The following OLFML1 variants were observed in gnomAD, a reference collection of about 807,000 sequenced individuals.
OLFML1 encodes olfactomedin like 1, also known as olfactomedin-like protein 1.
OLFML1 carries 33 observed loss-of-function variants against 37.3 expected under a neutral mutation model. The ratio of observed to expected loss-of-function variants is 0.88; its 90% confidence interval spans 0.67 to 1.18. OLFML1 has a LOEUF of 1.18. Among genes scored for constraint, OLFML1 ranks in the 50% most tolerant of loss-of-function variants. The probability of loss-of-function intolerance (pLI) is 0.00; values close to 1 mark genes in which losing one functional copy is unlikely to be tolerated. For synonymous variants in OLFML1, 186 were observed against 181.3 expected, an observed-to-expected ratio of 1.03 and a Z score of -0.21; for missense variants, 545 against 483.7, an observed-to-expected ratio of 1.13 and a Z score of -1.19.
chr11:7,486,104 T>G (rs1008526761), intron 1 of OLFML1, 100 bp downstream of exon 1: 1 of 1,202,928 alleles, frequency 8.3e-7, no homozygotes, highest in African/African-American at 1.5e-5. Context: ...TTTTCCCAGA[T>G]AGCAAATGAC....
In OLFML1 at chr11:7,485,898, C is replaced by T. The variant is rs988656039; in HGVS notation, c.23C>T (p.Ala8Val). The T allele has an allele frequency of 1.2e-5, 20 of 1,613,766 alleles. No individual in the cohort carries two copies. Among genetic ancestry groups the T allele is most frequent in the Non-Finnish European group, 1.6e-5 (19 of 1,179,930 alleles). Reference protein sequence around the residue: MMVALRGASALLVLFLAA... With the variant: MMVALRGVSALLVLFLAA... ...AGGATGATGGTGGCCCTTCGAGGAG[C>T]TTCTGCATTGCTGGTTCTGTTCCTT... is the stretch of plus-strand genomic sequence containing the variant. The change falls in exon 1 of 3, where the codon GCT (alanine) becomes GTT (valine). Residue 8 changes from alanine to valine, a missense_variant. Physicochemically the swap from Ala to Val is moderately conservative, Grantham distance 64 (BLOSUM62 0). Transcript: ENST00000329293.
At chr11:7,502,664 G>C (rs1268863028) in intron 2 of OLFML1, among the ~76,000 whole-genome samples, 2 of 151,572 alleles carry the variant, frequency 1.3e-5, no homozygotes, top group African/African-American at 4.9e-5. Flanking sequence ...GGAGTGCAGT[G>C]GCGCGATCTC....
chr11:7,491,902 T>G (rs932626243), intron 2 of OLFML1, among the ~76,000 whole-genome samples: 5 of 152,208 alleles, frequency 3.3e-5, no homozygotes, highest in African/African-American at 1.2e-4. Flanking sequence ...GCCTAGTCCC[T>G]CTTTTCAGGG....
At chr11:7,505,410 T>C (rs904983598) in intron 2 of OLFML1, among the ~76,000 whole-genome samples, 5 of 152,172 alleles carry the variant, frequency 3.3e-5, no homozygotes, top group African/African-American at 1.2e-4. Flanking sequence ...CTACCCATAA[T>C]AGAAACCTCA....
At position 7,496,653 on chromosome 11, in the gene OLFML1, C is replaced by T. The variant is rs117158877; in HGVS notation, c.418+8238C>T. On this transcript the variant is annotated intron_variant, in intron 2 of 2. Transcript: ENST00000329293. The stretch of plus-strand genomic sequence containing the variant: ...TATACACAGGCAAATGGCAGTACCA[C>T]AGCTAGAAATTGAGAGCATTTCCAT... Among the ~76,000 whole-genome samples, 492 of 151,900 alleles carry T rather than the reference C, an allele frequency of 3.2e-3. 1 individual carries two copies. The highest frequency in any genetic ancestry group is 5.7e-3 in the Non-Finnish European group (390 of 67,980).
At chr11:7,496,208 G>A (rs1008356870) in intron 2 of OLFML1, among the ~76,000 whole-genome samples, 2 of 152,178 alleles carry the variant, frequency 1.3e-5, no homozygotes, top group Non-Finnish European at 2.9e-5. Context: ...GCCTCATGAC[G>A]GAGGCAGATG....
intron 2 of OLFML1, among the ~76,000 whole-genome samples, chr11:7,493,305 C>T (rs980314808): frequency 6.6e-6 from 1 of 152,094 alleles, no homozygotes; most frequent in African/African-American, 2.4e-5. Flanking sequence ...TGTGCATGAC[C>T]CATATTCAAA....
intron 2 of OLFML1, among the ~76,000 whole-genome samples, chr11:7,504,154 A>G (rs569206681): frequency 1.3e-5 from 2 of 152,268 alleles, no homozygotes; most frequent in Admixed American, 1.3e-4. Context: ...ACCAAGGACC[A>G]TTTGAGAACA....
At chr11:7,508,949 C>CA (rs1275792038) in intron 2 of OLFML1, among the ~76,000 whole-genome samples, 2 of 152,212 alleles carry the variant, frequency 1.3e-5, no homozygotes, top group Non-Finnish European at 2.9e-5. Flanking sequence ...TCTGAAACAG[C>CA]AAATAGCTGT....
chr11:7,493,424 A>C (rs1848623779), intron 2 of OLFML1, among the ~76,000 whole-genome samples: 1 of 152,252 alleles, frequency 6.6e-6, no homozygotes, highest in Non-Finnish European at 1.5e-5. Context: ...GGAACAAAAT[A>C]TTAAAAGAGG....
chr11:7,510,286 C>A lies in OLFML1; in HGVS notation c.*98C>A, dbSNP rs1848845252. Reference sequence around the variant, plus strand: ...TCACAATATAGTATCCCTCTAATCACACACAGGAAGAGTGTGTAGAAGTGG... The same window carrying A: ...TCACAATATAGTATCCCTCTAATCAAACACAGGAAGAGTGTGTAGAAGTGG... On this transcript the variant is annotated 3_prime_UTR_variant, in exon 3 of 3. Transcript: ENST00000329293. 6.3e-6 allele frequency: 6 copies of A among 947,032 alleles called. No homozygotes were observed. The Admixed American group carries it at 1.4e-4, about 22-fold the overall frequency. The allele number at this position is 947,032 out of a possible 1,614,324, so 58.7% of individuals were successfully genotyped here. A position where few individuals can be genotyped will look rare whatever the true frequency, so the allele number is the denominator to read the frequency against.
Position 7,509,961 on chromosome 11 carries a change from T to C in OLFML1, c.982T>C (p.Tyr328His), listed in dbSNP as rs776188808. The C allele has an allele frequency of 2.5e-6, 4 of 1,614,244 alleles. No individual in the cohort carries two copies. Among genetic ancestry groups the C allele is most frequent in the Non-Finnish European group, 3.4e-6 (4 of 1,180,040 alleles). ...CTCATTCCTCTTGTGTGGGGTTCTCTATGTGGTCTACAGTACTGGGGGCCA... is the reference window on the plus strand; with the variant it reads ...CTCATTCCTCTTGTGTGGGGTTCTCCATGTGGTCTACAGTACTGGGGGCCA... Reference protein sequence around the residue: ...EASFLLCGVLYVVYSTGGQGP... With the variant: ...EASFLLCGVLHVVYSTGGQGP... Residue 328 changes from tyrosine (Y) to histidine (H), a missense_variant, in exon 3 of 3, where the codon TAT (tyrosine) becomes CAT (histidine). Tyr to His is a moderately conservative substitution (Grantham distance 83). Coordinates refer to ENST00000329293, the MANE Select transcript of OLFML1 (RefSeq NM_198474.4).
rs1564923836 is a variant in OLFML1 at position 7,510,068 on chromosome 11, G to C, written c.1089G>C (p.Lys363Asn). The C allele has an allele frequency of 1.9e-6, 3 of 1,614,210 alleles. No homozygotes were observed. The highest frequency in any genetic ancestry group is 2.7e-5 in the African/African-American group (2 of 75,052). Residue 363 changes from lysine to asparagine, a missense_variant, in exon 3 of 3, where the codon AAG becomes AAC. Transcript: ENST00000329293. Reference sequence around the variant, plus strand: ...ACTTGCCCAACTTGTTCTTCCCCAAGAGACCAAGAAGTCACTCCATGATCC... The same window carrying C: ...ACTTGCCCAACTTGTTCTTCCCCAACAGACCAAGAAGTCACTCCATGATCC... ...EEDLPNLFFP[K>N]RPRSHSMIHY...
At position 7,509,745 on chromosome 11, in the gene OLFML1, G is replaced by C; in HGVS notation, c.766G>C (p.Val256Leu). ...AGATCGAATGCTGCTCCCAGGAGGG[G>C]TAGGCCGAGCATTGGTTTACCAGCA... ...VEDRMLLPGG[V>L]GRALVYQHSP... Residue 256 changes from valine to leucine, a missense_variant, in exon 3 of 3, where the codon GTA (valine) becomes CTA (leucine). Transcript: ENST00000329293. 2 of 1,614,234 alleles carry C rather than the reference G, an allele frequency of 1.2e-6. No individual in the cohort carries two copies. Among genetic ancestry groups the C allele is most frequent in the South Asian group, 2.2e-5 (2 of 91,088 alleles).
intron 2 of OLFML1, among the ~76,000 whole-genome samples, chr11:7,496,827 A>G (rs953406161): frequency 2.0e-5 from 3 of 152,198 alleles, no homozygotes; most frequent in Non-Finnish European, 4.4e-5. Context: ...ATTGGTGGAA[A>G]GTGGAAACCG....
chr11:7,493,674 A>T (rs571429128), intron 2 of OLFML1, among the ~76,000 whole-genome samples: 30 of 152,240 alleles, frequency 2.0e-4, no homozygotes, highest in Middle Eastern at 3.2e-3. Context: ...AGGCCCACGT[A>T]CATAGCACTT....
chr11:7,504,878 A>G (rs946744856), intron 2 of OLFML1: 10 of 151,962 alleles, frequency 6.6e-5, no homozygotes, highest in African/African-American at 2.4e-4. Flanking sequence ...GTGGGCTTTA[A>G]GAACCCAAGC....
At chr11:7,492,072 C>T (rs971116546) in intron 2 of OLFML1, among the ~76,000 whole-genome samples, 1 of 152,170 alleles carries the variant, frequency 6.6e-6, no homozygotes, top group East Asian at 1.9e-4. Flanking sequence ...CAGGTCCTGC[C>T]CACACTCAAG....
In OLFML1 at chr11:7,509,570, G is replaced by A; in HGVS notation, c.591G>A (p.Glu197=). The A allele has an allele frequency of 1.9e-6, 3 of 1,614,188 alleles. No homozygotes were observed. The highest frequency in any genetic ancestry group is 2.5e-6 in the Non-Finnish European group (3 of 1,180,036). Reference sequence around the variant, plus strand: ...TTGCAAACATACGGGCATTCATGGAGGATAACACCAAGCCAGCTCCCCGGA... The same window carrying A: ...TTGCAAACATACGGGCATTCATGGAAGATAACACCAAGCCAGCTCCCCGGA... The part of the protein sequence containing the change: ...WEFANIRAFM[E]DNTKPAPRKQ... The change falls in exon 3 of 3, where the codon GAG becomes GAA. Residue 197 remains glutamate, a synonymous_variant. Coordinates refer to ENST00000329293, the MANE Select transcript of OLFML1 (RefSeq NM_198474.4).
Sources: allele counts gnomAD v4.1 joint callset (sites outside exome capture counted in the v4.1 genomes callset), GRCh38; gene constraint gnomAD v4.1.1; transcripts MANE v1.5; gene names NCBI Gene and HGNC (gene_info 2026-07-23, HGNC 2026-07-21).